The following FREM2 variants were observed in gnomAD, a reference collection of about 807,000 sequenced individuals.
FREM2 encodes the protein FRAS1 related extracellular matrix 2.
A neutral mutation model predicts 219.9 loss-of-function variants in FREM2; 119 were observed. The observed-to-expected ratio is 0.54, with a 90% CI of 0.47 to 0.63. The LOEUF (loss-of-function observed/expected upper bound fraction) is 0.63. Among genes scored for constraint, FREM2 ranks in the 30% least tolerant of loss-of-function variants. The pLI, the probability that FREM2 is intolerant of heterozygous loss-of-function variation, is 0.00. For missense variants in FREM2, 4,030 were observed against 3,993.6 expected (o/e 1.01, Z -0.25); for synonymous variants, 1,562 against 1,522.8 (o/e 1.03, Z -0.60).
chr13:38,699,301 G>A (rs538560788), intron 2 of FREM2, among the ~76,000 whole-genome samples: 1 of 151,250 alleles, frequency 6.6e-6, no homozygotes, highest in African/African-American at 2.5e-5. Context: ...AAAATATTTT[G>A]CTTTTTTTGC....
rs1869745134 is a variant in FREM2 at position 38,690,018 on chromosome 13, T to C, written c.2674T>C (p.Leu892=). The change falls in exon 1 of 24, where the codon TTG becomes CTG. Residue 892 remains leucine, a synonymous_variant. Transcript: ENST00000280481. ...CCTGCATGTAGGGGGTCTCTTCCAC[T>C]TGGAGGACATAAAACAGGGCCGAGT... ...QILHVGGLFH[L]EDIKQGRVSY... The C allele has an allele frequency of 1.2e-6, 2 of 1,613,976 alleles. No homozygotes were observed. Among genetic ancestry groups the C allele is most frequent in the Non-Finnish European group, 1.7e-6 (2 of 1,180,024 alleles).
At chr13:38,764,138 T>TGG (rs1435939489) in intron 2 of FREM2, among the ~76,000 whole-genome samples, 166 bp from the exon 3 acceptor site, 2 of 152,248 alleles carry the variant, frequency 1.3e-5, no homozygotes, top group African/African-American at 4.8e-5. Context: ...TGTGTAACAG[T>TGG]CTCTAGACTG....
Position 38,864,707 on chromosome 13 carries a change from G to T in FREM2, c.7983+101G>T, listed in dbSNP as rs556831060. 19 of 1,019,930 alleles carry T rather than the reference G, an allele frequency of 1.9e-5. No homozygotes were observed. The African/African-American group carries it at 2.2e-4, about 12-fold the overall frequency. 63.2% of individuals were successfully genotyped at this position (1,019,930 alleles called of 1,614,324 possible). ...GTCCCAACTCCAGTTTTCCATCTTG[G>T]TGTTGTAGGTAATTATTGACAGCAA... On this transcript the variant is annotated intron_variant, in intron 16 of 23. Transcript: ENST00000280481.
intron 23 of FREM2, among the ~76,000 whole-genome samples, 189 bp from the exon 24 acceptor site, chr13:38,880,095 C>A (rs1834116485): frequency 6.6e-6 from 1 of 152,196 alleles, no homozygotes; most frequent in Admixed American, 6.5e-5. Flanking sequence ...AAGAGTTGCA[C>A]AGGATATATC....
intron 6 of FREM2, among the ~76,000 whole-genome samples, chr13:38,809,596 A>G (rs1270618329): frequency 1.3e-5 from 2 of 152,096 alleles, no homozygotes; most frequent in African/African-American, 4.8e-5. Context: ...TTCCCAAAGT[A>G]TGTTCTCAGC....
At chr13:38,818,624 A>G (rs1875866091) in intron 6 of FREM2, among the ~76,000 whole-genome samples, 1 of 152,114 alleles carries the variant, frequency 6.6e-6, no homozygotes, top group Non-Finnish European at 1.5e-5. Context: ...CCAGTGTTCT[A>G]TTGCACAGTA....
Position 38,885,561 on chromosome 13 carries a change from C to T in FREM2, c.*4774C>T, listed in dbSNP as rs1447674274. On this transcript the variant is annotated 3_prime_UTR_variant, in exon 24 of 24. Coordinates refer to ENST00000280481, the MANE Select transcript of FREM2 (RefSeq NM_207361.6). Reference sequence around the variant, plus strand: ...TTCTGAGATGTATTTTTCATTCTTCCAATAATGCTCTCTTTTTCATTTCAA... The same window carrying T: ...TTCTGAGATGTATTTTTCATTCTTCTAATAATGCTCTCTTTTTCATTTCAA... 1.3e-5 allele frequency: 2 copies of T among 151,772 alleles called. No homozygotes were observed. The highest frequency in any genetic ancestry group is 1.3e-4 in the Admixed American group (2 of 15,242). The allele number at this position is 151,772 out of a possible 1,614,324, so 9.4% of individuals were successfully genotyped here. A position where few individuals can be genotyped will look rare whatever the true frequency, so the allele number is the denominator to read the frequency against.
intron 15 of FREM2, among the ~76,000 whole-genome samples, chr13:38,862,599 G>A (rs557960544): frequency 4.3e-4 from 65 of 152,312 alleles, no homozygotes; most frequent in African/African-American, 1.5e-3. Context: ...CACTTCTTCT[G>A]TGGGGCCGGA....
At chr13:38,854,820 A>C (rs1877496035) in intron 11 of FREM2, among the ~76,000 whole-genome samples, 1 of 152,216 alleles carries the variant, frequency 6.6e-6, no homozygotes, top group South Asian at 2.1e-4. Context: ...TAAAAATTGA[A>C]GCAGAAAAAG....
In FREM2 at chr13:38,764,460, ATT is replaced by A; in HGVS notation, c.5410+15_5410+16del. 1 of 1,438,730 alleles carries A rather than the reference ATT, an allele frequency of 7.0e-7. No individual in the cohort carries two copies. The highest frequency in any genetic ancestry group is 1.2e-5 in the South Asian group (1 of 81,258). The allele number at this position is 1,438,730 out of a possible 1,614,324, so 89.1% of individuals were successfully genotyped here. ...GAAACTTCTTTTATAAGTAAGTTTAATTTTTTATTTCTGTTTTAAAATTTTAT... is the reference window on the plus strand; with the variant it reads ...GAAACTTCTTTTATAAGTAAGTTTAATTTTATTTCTGTTTTAAAATTTTAT... On this transcript the variant is annotated intron_variant, in intron 3 of 23. Coordinates refer to ENST00000280481, the MANE Select transcript of FREM2 (RefSeq NM_207361.6).
chr13:38,734,738 CTT>C lies in FREM2; in HGVS notation c.5264-29543_5264-29542del, dbSNP rs11314517. 5.0e-4 allele frequency among the ~76,000 whole-genome samples: 45 copies of C among 89,388 alleles called. No individual in the cohort carries two copies. In the South Asian group the frequency reaches 0.011, roughly 21 times the overall value. The allele number at this position is 89,388 out of a possible 152,430, so 58.6% of individuals were successfully genotyped here. A position where few individuals can be genotyped will look rare whatever the true frequency, so the allele number is the denominator to read the frequency against. ...TAGTGAGAAGAATTGCAGTGCTATA[CTT>C]TTTTTTTTTTTTTTTTTTTTTTCTG... On this transcript the variant is annotated intron_variant, in intron 2 of 23. Transcript: ENST00000280481.
chr13:38,873,345 A>C (rs1203471952), intron 17 of FREM2, among the ~76,000 whole-genome samples: 1 of 152,236 alleles, frequency 6.6e-6, no homozygotes, highest in Non-Finnish European at 1.5e-5. Flanking sequence ...ATTTAAATTA[A>C]ATACAAATTA....
At chr13:38,826,117 C>T (rs1033264453) in intron 6 of FREM2, among the ~76,000 whole-genome samples, 1 of 152,038 alleles carries the variant, frequency 6.6e-6, no homozygotes, top group Non-Finnish European at 1.5e-5. Flanking sequence ...CCAATAAAGA[C>T]TGCAGGAAAT....
rs9548477 is a variant in FREM2 at position 38,839,620 on chromosome 13, G to A, written c.6020-6953G>A. Among the ~76,000 whole-genome samples the A allele has an allele frequency of 4.3e-3, 657 of 152,290 alleles. 2 individuals carry two copies. Among genetic ancestry groups the A allele is most frequent in the Non-Finnish European group, 7.5e-3 (512 of 68,036 alleles). On this transcript the variant is annotated intron_variant, in intron 6 of 23. Coordinates refer to ENST00000280481, the MANE Select transcript of FREM2 (RefSeq NM_207361.6). Reference sequence around the variant, plus strand: ...GAGATGGGAGTTTTAGCCCCTGACTGGGGCTGCAGCCTTTCTTTCAGAGAT... The same window carrying A: ...GAGATGGGAGTTTTAGCCCCTGACTAGGGCTGCAGCCTTTCTTTCAGAGAT...
At chr13:38,832,048 C>T (rs1876531675) in intron 6 of FREM2, among the ~76,000 whole-genome samples, 1 of 152,034 alleles carries the variant, frequency 6.6e-6, no homozygotes, top group African/African-American at 2.4e-5. Context: ...GGGACAGTGG[C>T]TCACGCCTGT....
chr13:38,807,584 A>G (rs1875299061), intron 6 of FREM2, among the ~76,000 whole-genome samples: 1 of 151,854 alleles, frequency 6.6e-6, no homozygotes, highest in Non-Finnish European at 1.5e-5. Context: ...ATATTAGCAT[A>G]TTTAAAAACA....
rs764296258 is a variant in FREM2 at position 38,689,048 on chromosome 13, G to T, written c.1704G>T (p.Gly568=). Reference sequence around the variant, plus strand: ...CACCTGTTCTCAATGCCAACACGGGGCTGACACTGGCAGAGGGTGAAACAG... The same window carrying T: ...CACCTGTTCTCAATGCCAACACGGGTCTGACACTGGCAGAGGGTGAAACAG... ...DQPPVLNANT[G]LTLAEGETVP... Residue 568 remains glycine, a synonymous_variant, in exon 1 of 24, where the codon GGG becomes GGT. Coordinates refer to ENST00000280481, the MANE Select transcript of FREM2 (RefSeq NM_207361.6). 2 of 1,613,598 alleles carry T rather than the reference G, an allele frequency of 1.2e-6. No individual in the cohort carries two copies. Among genetic ancestry groups the T allele is most frequent in the African/African-American group, 2.7e-5 (2 of 74,894 alleles).
intron 6 of FREM2, among the ~76,000 whole-genome samples, chr13:38,792,641 G>A (rs1303934061): frequency 3.9e-5 from 6 of 152,038 alleles, no homozygotes; most frequent in African/African-American, 1.2e-4. Context: ...ACAGGGTTTG[G>A]TACTATCTGT....
intron 6 of FREM2, among the ~76,000 whole-genome samples, chr13:38,787,025 A>G (rs1874358344): frequency 6.6e-6 from 1 of 152,176 alleles, no homozygotes; most frequent in Non-Finnish European, 1.5e-5. Flanking sequence ...TATAATATTC[A>G]TAGAACATTT....
Sources: gnomAD v4.1 joint callset for allele counts (sites outside exome capture counted in the v4.1 genomes callset) on GRCh38, gnomAD v4.1.1 for gene constraint, MANE v1.5 for transcripts, NCBI Gene and HGNC (gene_info 2026-07-23, HGNC 2026-07-21) for gene names.